Variants in ARVCF observed in about 807,000 individuals in gnomAD.
ARVCF encodes ARVCF delta catenin family member.
A neutral mutation model predicts 90.9 loss-of-function variants in ARVCF; 66 were observed. The observed-to-expected ratio is 0.73, with a 90% confidence interval of 0.60 to 0.89. The LOEUF (loss-of-function observed/expected upper bound fraction) is 0.89, where lower values mean the gene tolerates loss of function less well. ARVCF is among the 40% of genes least tolerant of loss of function. ARVCF has a pLI of 0.00. For synonymous variants in ARVCF, 653 were observed against 603.4 expected (o/e 1.08, Z -1.21); for missense variants, 1,469 against 1,382.3 (o/e 1.06, Z -1.00).
At chr22:20,003,672 T>C (rs1164010291) in intron 2 of ARVCF, among the ~76,000 whole-genome samples, 2 of 152,156 alleles carry the variant, frequency 1.3e-5, no homozygotes, top group Non-Finnish European at 2.9e-5. Flanking sequence ...CAAAATTCAA[T>C]AGTCTGTCAT....
At chr22:20,016,036 G>A (rs1945100367) in intron 1 of ARVCF, among the ~76,000 whole-genome samples, 1 of 152,188 alleles carries the variant, frequency 6.6e-6, no homozygotes, top group Non-Finnish European at 1.5e-5. Context: ...GGCGTGGGGA[G>A]GGGGACCCAG....
chr22:19,975,753 C>T lies in ARVCF; in HGVS notation c.1893G>A (p.Lys631=). The change falls in exon 11 of 20, where the codon AAG becomes AAA. Residue 631 remains lysine, a synonymous_variant. Coordinates refer to ENST00000263207, the MANE Select transcript of ARVCF (RefSeq NM_001670.3). ...KAKEEWFHQG[K]KDGEMDRNFD... is the part of the protein sequence containing the mutation. ...AGTTCCGGTCCATCTCACCATCCTT[C>T]TTTCCTGGAAGGGAAAGGTGGTGGG... 6.2e-7 allele frequency: 1 copy of T among 1,613,556 alleles called. No individual in the cohort carries two copies. Among genetic ancestry groups the T allele is most frequent in the Admixed American group, 1.7e-5 (1 of 60,014 alleles).
chr22:19,973,090 C>T, intron 14 of ARVCF, 29 bp downstream of exon 14: 4 of 1,604,284 alleles, frequency 2.5e-6, no homozygotes, highest in East Asian at 2.3e-5. Context: ...TCCGCGGCTC[C>T]CCAAGCCACC....
chr22:19,972,790 AGTGC>A lies in ARVCF; in HGVS notation c.2584_2587del (p.Ala862Ter). ...GCTGTCATCGAAGCCCCCAGGACTC[AGTGC>A]TCCCTTAGGCCCCTTGGCAGTAGCA... On this transcript the variant is annotated frameshift_variant, in exon 16 of 20. Transcript: ENST00000263207. LOFTEE classifies it high-confidence loss of function. 7 of 1,613,608 alleles carry A rather than the reference AGTGC, an allele frequency of 4.3e-6. No homozygotes were observed. Among genetic ancestry groups the A allele is most frequent in the Non-Finnish European group, 5.9e-6 (7 of 1,179,790 alleles).
At chr22:19,968,908 TTC>T (rs1475458224), downstream of ARVCF, 4 of 630,454 alleles carry the variant, frequency 6.3e-6, no homozygotes, top group East Asian at 1.1e-4. Context: ...CACTGGATTG[TTC>T]TTTTTTAAGA....
chr22:19,986,427 C>G (rs187266389), intron 3 of ARVCF, among the ~76,000 whole-genome samples: 7 of 152,218 alleles, frequency 4.6e-5, no homozygotes, highest in African/African-American at 9.6e-5. Context: ...TGCCTCCCCC[C>G]ACCTCAATGC....
chr22:19,977,808 G>A (rs1943245709), intron 8 of ARVCF, 150 bp downstream of exon 8: 2 of 1,073,680 alleles, frequency 1.9e-6, no homozygotes, highest in Admixed American at 2.8e-5. Flanking sequence ...GCCCACTTCA[G>A]TGTGGTCACT....
downstream of ARVCF, among the ~76,000 whole-genome samples, chr22:19,966,377 G>A (rs895425888): frequency 2.0e-5 from 3 of 151,194 alleles, no homozygotes; most frequent in East Asian, 1.9e-4. Context: ...CCTCTCCACC[G>A]GGCTGCTGTA....
At chr22:19,973,524 C>T in intron 13 of ARVCF, 119 bp downstream of exon 13, 3 of 1,480,180 alleles carry the variant, frequency 2.0e-6, no homozygotes, top group Non-Finnish European at 2.7e-6. Context: ...GGACAGCGCC[C>T]AAGCGAGAGG....
chr22:19,983,230 CAGG>C (rs1401214322), intron 3 of ARVCF, among the ~76,000 whole-genome samples: 2 of 152,240 alleles, frequency 1.3e-5, no homozygotes, highest in African/African-American at 4.8e-5. Flanking sequence ...GCAGGGTCAG[CAGG>C]AGGACAGGTC....
At position 19,978,973 on chromosome 22, in the gene ARVCF, G is replaced by A. The variant is rs1181972203; in HGVS notation, c.1504C>T (p.Arg502Cys). 6 of 1,613,324 alleles carry A rather than the reference G, an allele frequency of 3.7e-6. No homozygotes were observed. The highest frequency in any genetic ancestry group is 1.7e-4 in the Middle Eastern group (1 of 6,060). ...EVIVPHSGWE[R>C]EPNEDSKPRD... The stretch of plus-strand genomic sequence containing the variant: ...GGCTTGGAGTCCTCGTTGGGCTCAC[G>A]CTCCCATCCTGAGTGGGGCACGATC... Residue 502 changes from arginine (R) to cysteine (C), a missense_variant, in exon 7 of 20, where the codon CGT becomes TGT. Transcript: ENST00000263207.
chr22:19,984,785 C>T (rs1382950474), intron 3 of ARVCF, among the ~76,000 whole-genome samples: 1 of 152,230 alleles, frequency 6.6e-6, no homozygotes, highest in Admixed American at 6.5e-5. Flanking sequence ...CAGGGCCTCA[C>T]AGAGTCTCAA....
At chr22:19,994,107 T>G in intron 2 of ARVCF, among the ~76,000 whole-genome samples, 1 of 148,990 alleles carries the variant, frequency 6.7e-6, no homozygotes, top group Non-Finnish European at 1.5e-5. Flanking sequence ...GATACAGGGG[T>G]GGATGGGGGA....
chr22:19,976,612 G>A, intron 10 of ARVCF, 94 bp downstream of exon 10: 1 of 1,473,880 alleles, frequency 6.8e-7, no homozygotes, highest in Non-Finnish European at 9.2e-7. Flanking sequence ...GAAGCCAGGG[G>A]TGGGGCAGGG....
intron 10 of ARVCF, among the ~76,000 whole-genome samples, chr22:19,976,445 A>AC (rs1943155939): frequency 6.6e-6 from 1 of 152,178 alleles, no homozygotes; most frequent in Non-Finnish European, 1.5e-5. Context: ...TATCAGAGAA[A>AC]CAGACTGCTC....
intron 3 of ARVCF, 141 bp downstream of exon 3, chr22:19,990,444 G>A: frequency 9.3e-7 from 1 of 1,069,652 alleles, no homozygotes; most frequent in Non-Finnish European, 1.3e-6. Context: ...GCCCAACCTG[G>A]GATCCCATTT....
At chr22:20,013,152 C>T (rs1944897662) in intron 1 of ARVCF, among the ~76,000 whole-genome samples, 1 of 152,250 alleles carries the variant, frequency 6.6e-6, no homozygotes, top group Non-Finnish European at 1.5e-5. Context: ...CCATGCTGCT[C>T]AATGACAATG....
chr22:19,966,452 A>G (rs866943483), downstream of ARVCF, among the ~76,000 whole-genome samples: 42 of 151,266 alleles, frequency 2.8e-4, no homozygotes, highest in African/African-American at 5.6e-4. Context: ...AAAAAAAAAA[A>G]AAAGAAAAAG....
In ARVCF at chr22:19,972,926, T is replaced by C. The variant is rs1942907249; in HGVS notation, c.2549A>G (p.Gln850Arg). The C allele has an allele frequency of 6.2e-7, 1 of 1,613,830 alleles. No individual in the cohort carries two copies. The highest frequency in any genetic ancestry group is 1.3e-5 in the African/African-American group (1 of 75,042). Residue 850 changes from glutamine to arginine, a missense_variant and splice_region_variant, in exon 15 of 20, where the codon CAG becomes CGG. By Grantham distance (43) the Gln-to-Arg change is conservative. Coordinates refer to ENST00000263207, the MANE Select transcript of ARVCF (RefSeq NM_001670.3). Reference sequence around the variant, plus strand: ...GAAGGAAGGCCAGGGAAGCCGCACCTGGAAGCGCGCCTTGGTCCAACCATC... The same window carrying C: ...GAAGGAAGGCCAGGGAAGCCGCACCCGGAAGCGCGCCTTGGTCCAACCATC... ...QKDGWTKARFQSAAATAKGPK... is the reference protein window; with the variant it reads ...QKDGWTKARFRSAAATAKGPK...
Sources: gnomAD v4.1 joint callset for allele counts (sites outside exome capture counted in the v4.1 genomes callset) on GRCh38, gnomAD v4.1.1 for gene constraint, MANE v1.5 for transcripts, NCBI Gene and HGNC (gene_info 2026-07-23, HGNC 2026-07-21) for gene names.